Variants in CKAP2L observed in about 807,000 individuals in gnomAD.
CKAP2L encodes the protein cytoskeleton associated protein 2L.
CKAP2L carries 42 observed loss-of-function variants against 65.7 expected under a neutral mutation model. The ratio of observed to expected loss-of-function variants is 0.64; its 90% CI spans 0.50 to 0.83. CKAP2L has a LOEUF of 0.83. Ranked by LOEUF, CKAP2L falls within the 40% of genes least tolerant of loss-of-function variation. CKAP2L has a pLI of 0.00. For synonymous variants in CKAP2L, 325 were observed against 313.5 expected (o/e 1.04, Z -0.39); for missense variants, 908 against 871.0 (o/e 1.04, Z -0.53).
chr2:112,762,659 A>G, intron 1 of CKAP2L, 90 bp from the exon 2 acceptor site: 1 of 1,095,958 alleles, frequency 9.1e-7, no homozygotes, highest in East Asian at 2.4e-5. Context: ...ACTTTTCTCT[A>G]GTGATTTTGC....
At chr2:112,752,026 G>A (rs1425681944) in intron 5 of CKAP2L, among the ~76,000 whole-genome samples, 1 of 152,126 alleles carries the variant, frequency 6.6e-6, no homozygotes, top group Admixed American at 6.6e-5. Flanking sequence ...TTTGTAAAGT[G>A]GTCATAGTAA....
Position 112,756,417 on chromosome 2 carries a change from T to C in CKAP2L, c.954A>G (p.Ile318Met). The C allele has an allele frequency of 6.2e-7, 1 of 1,614,058 alleles. No homozygotes were observed. Among genetic ancestry groups the C allele is most frequent in the Non-Finnish European group, 8.5e-7 (1 of 1,179,970 alleles). ...SQYERPNETK[I>M]RSYPVTEQRV... Reference sequence around the variant, plus strand: ...TCTGTTCAGTAACAGGGTATGACCGTATCTTAGTTTCATTTGGTCTTTCAT... The same window carrying C: ...TCTGTTCAGTAACAGGGTATGACCGCATCTTAGTTTCATTTGGTCTTTCAT... The change falls in exon 4 of 9, where the codon ATA (isoleucine) becomes ATG (methionine). Residue 318 changes from isoleucine to methionine, a missense_variant. Physicochemically the swap from Ile to Met is conservative, Grantham distance 10. Coordinates refer to ENST00000302450, the MANE Select transcript of CKAP2L (RefSeq NM_152515.5).
Position 112,756,053 on chromosome 2 carries a change from G to C in CKAP2L, c.1318C>G (p.Gln440Glu). Reference protein sequence around the residue: ...HFLNKTAPKTQADVTTVNGTQ... With the variant: ...HFLNKTAPKTEADVTTVNGTQ... ...CCATTTACGGTTGTGACATCAGCTT[G>C]AGTTTTGGGAGCTGTCTTGTTCAGA... Residue 440 changes from glutamine (Q) to glutamate (E), a missense_variant, in exon 4 of 9, where the codon CAA becomes GAA. Coordinates refer to ENST00000302450, the MANE Select transcript of CKAP2L (RefSeq NM_152515.5). The C allele has an allele frequency of 1.2e-6, 2 of 1,613,576 alleles. No homozygotes were observed. The highest frequency in any genetic ancestry group is 8.5e-7 in the Non-Finnish European group (1 of 1,179,894).
Position 112,752,334 on chromosome 2 carries a change from T to C in CKAP2L, c.1535A>G (p.Lys512Arg). 6.2e-7 allele frequency: 1 copy of C among 1,613,874 alleles called. No individual in the cohort carries two copies. Among genetic ancestry groups the C allele is most frequent in the South Asian group, 1.1e-5 (1 of 91,062 alleles). Reference sequence around the variant, plus strand: ...TTTACTGGACAGTTCGAGTTGTGCTTTCTTTTCTTCCTCTTCTTTTTCAAT... The same window carrying C: ...TTTACTGGACAGTTCGAGTTGTGCTCTCTTTTCTTCCTCTTCTTTTTCAAT... ...KSIEKEEEEK[K>R]AQLELSSKIN... The change falls in exon 5 of 9, where the codon AAA becomes AGA. Residue 512 changes from lysine to arginine, a missense_variant. By Grantham distance (26) the Lys-to-Arg change is conservative (BLOSUM62 2). Transcript: ENST00000302450.
chr2:112,742,431 G>A (rs930017820), intron 7 of CKAP2L: 2 of 717,532 alleles, frequency 2.8e-6, no homozygotes, highest in African/African-American at 3.5e-5. Context: ...GCAAAGAGCT[G>A]TTTGTCTTCT....
intron 3 of CKAP2L, 69 bp from the exon 4 acceptor site, chr2:112,757,283 G>T: frequency 9.3e-7 from 1 of 1,074,454 alleles, no homozygotes; most frequent in Non-Finnish European, 1.3e-6. Context: ...AATAATAACT[G>T]TGTTTAACAC....
Position 112,762,571 on chromosome 2 carries a change from TGCAACACAG to T in CKAP2L, c.38-11_38-3del. The T allele has an allele frequency of 2.5e-6, 4 of 1,612,866 alleles. No homozygotes were observed. The highest frequency in any genetic ancestry group is 1.7e-6 in the Non-Finnish European group (2 of 1,178,826). ...CCTGAAGCTTTCTCTGCCGCTCTTC[TGCAACACAG>T]GCAAGCAAACAAACGACATAACTTT... On this transcript the variant is annotated splice_region_variant and splice_polypyrimidine_tract_variant and intron_variant, in intron 1 of 8. Coordinates refer to ENST00000302450, the MANE Select transcript of CKAP2L (RefSeq NM_152515.5).
chr2:112,762,486 T>C lies in CKAP2L; in HGVS notation c.104+17A>G, dbSNP rs369124659. The C allele has an allele frequency of 6.2e-7, 1 of 1,608,318 alleles. No homozygotes were observed. Among genetic ancestry groups the C allele is most frequent in the African/African-American group, 1.3e-5 (1 of 74,830 alleles). On this transcript the variant is annotated intron_variant, in intron 2 of 8. Coordinates refer to ENST00000302450, the MANE Select transcript of CKAP2L (RefSeq NM_152515.5). ...GAAGGCAACAAAACTTGCGTAACTG[T>C]GGACAGATAAACTCACTTGGTGTTT...
intron 2 of CKAP2L, 116 bp downstream of exon 2, chr2:112,762,387 A>G (rs1680751212): frequency 1.3e-6 from 1 of 754,070 alleles, no homozygotes; most frequent in Non-Finnish European, 2.3e-6. Context: ...GTTATCATAG[A>G]ATCCCAGTGC....
chr2:112,744,822 C>T (rs533833919), intron 6 of CKAP2L, among the ~76,000 whole-genome samples: 72 of 152,220 alleles, frequency 4.7e-4, no homozygotes, highest in South Asian at 1.5e-3. Context: ...CCATGTGTCT[C>T]GGGCTTTAAA....
chr2:112,749,971 C>T (rs1417627818), intron 5 of CKAP2L, among the ~76,000 whole-genome samples: 5 of 152,064 alleles, frequency 3.3e-5, no homozygotes, highest in African/African-American at 1.2e-4. Context: ...ATCTTTTTTT[C>T]CCCCTCAGAG....
chr2:112,741,150 AGT>A (rs1411698315), intron 7 of CKAP2L, 143 bp from the exon 8 acceptor site: 2 of 655,750 alleles, frequency 3.0e-6, no homozygotes, highest in African/African-American at 1.8e-5. Flanking sequence ...ATTGATTTGA[AGT>A]GTGACTTATA....
rs1680530037 is a variant in CKAP2L, at chr2:112,756,264, C to T, written c.1107G>A (p.Leu369=). Residue 369 remains leucine, a synonymous_variant, in exon 4 of 9, where the codon CTG becomes CTA. Coordinates refer to ENST00000302450, the MANE Select transcript of CKAP2L (RefSeq NM_152515.5). ...QVCIPQTSCV[L]QKSKAISQRP... is the part of the protein sequence containing the mutation. ...TCTGGCTTATGGCTTTTGACTTTTG[C>T]AGTACACATGATGTCTGAGGTATAC... 4.3e-6 allele frequency: 7 copies of T among 1,614,134 alleles called. No individual in the cohort carries two copies. Among genetic ancestry groups the T allele is most frequent in the Non-Finnish European group, 5.1e-6 (6 of 1,180,020 alleles).
chr2:112,750,010 A>C (rs1411269493), intron 5 of CKAP2L, among the ~76,000 whole-genome samples: 1 of 152,122 alleles, frequency 6.6e-6, no homozygotes, highest in Non-Finnish European at 1.5e-5. Context: ...TTCAGAGCAG[A>C]AGCACCAAAT....
At chr2:112,757,257 A>G in intron 3 of CKAP2L, 43 bp from the exon 4 acceptor site, 3 of 1,340,610 alleles carry the variant, frequency 2.2e-6, no homozygotes, top group Non-Finnish European at 3.1e-6. Context: ...TCCTTAACAT[A>G]TCTTATTGTT....
intron 3 of CKAP2L, among the ~76,000 whole-genome samples, chr2:112,758,517 G>T (rs1680612115): frequency 6.6e-6 from 1 of 152,194 alleles, no homozygotes; most frequent in African/African-American, 2.4e-5. Context: ...AGCGGTGTGT[G>T]TGGTGTTACT....
In CKAP2L at chr2:112,740,945, T is replaced by G; in HGVS notation, c.1885A>C (p.Lys629Gln). ...SITSVEELAK[K>Q]MESVKSCLSP... is the part of the protein sequence containing the mutation. The stretch of plus-strand genomic sequence containing the variant: ...AGACAAGACTTCACAGATTCCATCT[T>G]CTTGGCCAGCTCTTCCACTGATGTT... The change falls in exon 8 of 9, where the codon AAG becomes CAG. Residue 629 changes from lysine (K) to glutamine (Q), a missense_variant. By Grantham distance (53) the Lys-to-Gln change is moderately conservative. Transcript: ENST00000302450. The G allele has an allele frequency of 6.2e-7, 1 of 1,614,054 alleles. No homozygotes were observed. The highest frequency in any genetic ancestry group is 8.5e-7 in the Non-Finnish European group (1 of 1,179,950).
At position 112,740,890 on chromosome 2, in the gene CKAP2L, G is replaced by A. The variant is rs536199184; in HGVS notation, c.1940C>T (p.Ala647Val). 7.4e-6 allele frequency: 12 copies of A among 1,613,770 alleles called. No homozygotes were observed. Among genetic ancestry groups the A allele is most frequent in the East Asian group, 2.2e-5 (1 of 44,872 alleles). The change falls in exon 8 of 9, where the codon GCG becomes GTG. Residue 647 changes from alanine (A) to valine (V), a missense_variant. Coordinates refer to ENST00000302450, the MANE Select transcript of CKAP2L (RefSeq NM_152515.5). ...TTCTGCCTTGGCTATTCGGGGTGTC[G>A]CCGTGACTTGTTCCCTCTCTTTTGG... The part of the protein sequence containing the change: ...LSPKEREQVT[A>V]TPRIAKAEQH...
intron 8 of CKAP2L, among the ~76,000 whole-genome samples, chr2:112,740,488 G>C (rs1431107469): frequency 6.6e-6 from 1 of 152,162 alleles, no homozygotes; most frequent in African/African-American, 2.4e-5. Context: ...TCCGTTCTTA[G>C]AGGGGTATTC....
Sources: allele counts gnomAD v4.1 joint callset (sites outside exome capture counted in the v4.1 genomes callset), GRCh38; gene constraint gnomAD v4.1.1; transcripts MANE v1.5; gene names NCBI Gene and HGNC (gene_info 2026-07-23, HGNC 2026-07-21).